The following TRAT1 variants were observed in gnomAD, a reference collection of about 807,000 sequenced individuals.
TRAT1 encodes the protein T-cell receptor-associated transmembrane adapter 1.
Under a neutral mutation model 20.0 loss-of-function variants are expected in TRAT1, and 20 were observed. The observed-to-expected ratio is 1.00, with a 90% CI of 0.70 to 1.45. TRAT1 has a LOEUF of 1.45. TRAT1 is among the 40% of genes most tolerant of loss of function. The pLI is 0.00. For synonymous variants in TRAT1, 77 were observed against 74.2 expected, an observed-to-expected ratio of 1.04 and a Z score of -0.20; for missense variants, 237 against 224.1, an observed-to-expected ratio of 1.06 and a Z score of -0.37.
intron 5 of TRAT1, 49 bp from the exon 6 acceptor site, chr3:108,853,571 A>C (rs1317191059): frequency 1.3e-6 from 2 of 1,560,938 alleles, no homozygotes; most frequent in Admixed American, 1.9e-5. Flanking sequence ...TCCAGAAGTC[A>C]AGCTAAAGAA....
At chr3:108,830,415 C>T (rs560447471) in intron 1 of TRAT1, among the ~76,000 whole-genome samples, 2 of 152,276 alleles carry the variant, frequency 1.3e-5, no homozygotes, top group South Asian at 2.1e-4. Context: ...TTAATAGCTA[C>T]ACAAAAAAGT....
intron 5 of TRAT1, among the ~76,000 whole-genome samples, chr3:108,852,742 A>G (rs1423452262): frequency 1.3e-5 from 2 of 152,238 alleles, no homozygotes; most frequent in East Asian, 3.8e-4. Flanking sequence ...TCTATGTACT[A>G]ACCATAACAA....
intron 5 of TRAT1, 93 bp downstream of exon 5, chr3:108,849,347 T>C: frequency 9.3e-7 from 1 of 1,077,638 alleles, no homozygotes; most frequent in Non-Finnish European, 1.4e-6. Context: ...GTTAGAAATT[T>C]TGCAATCAAT....
chr3:108,849,304 G>A (rs760866370), intron 5 of TRAT1, 50 bp downstream of exon 5: 6 of 1,477,446 alleles, frequency 4.1e-6, no homozygotes, highest in African/African-American at 1.4e-5. Flanking sequence ...GAGCATAAGA[G>A]TAGTACATTA....
At chr3:108,840,110 T>TA (rs200470783) in intron 3 of TRAT1, among the ~76,000 whole-genome samples, 4,901 of 152,136 alleles carry the variant, frequency 0.032, 252 homozygotes, top group African/African-American at 0.11. Context: ...GTCTTTTTTT[T>TA]AAAAAAATTC....
chr3:108,843,854 C>T (rs865933368), intron 3 of TRAT1, among the ~76,000 whole-genome samples: 2 of 152,176 alleles, frequency 1.3e-5, no homozygotes, highest in African/African-American at 2.4e-5. Context: ...GGCTCTGAGC[C>T]ACCTCCCTCT....
chr3:108,827,231 G>T (rs1945748443), intron 1 of TRAT1, among the ~76,000 whole-genome samples: 1 of 152,036 alleles, frequency 6.6e-6, no homozygotes, highest in Non-Finnish European at 1.5e-5. Context: ...GATACTAAAG[G>T]TTACACTTGT....
At position 108,830,775 on chromosome 3, in the gene TRAT1, G is replaced by T. The variant is rs61756221; in HGVS notation, c.113G>T (p.Arg38Leu). The change falls in exon 2 of 6, where the codon CGA (arginine) becomes CTA (leucine). Residue 38 changes from arginine to leucine, a missense_variant. Transcript: ENST00000295756. ...ATTTCCCACTATGTGGAAAAGCAAC[G>T]ACAAGGTAAGACATTTTGACAAATT... ...FNISHYVEKQ[R>L]QDKMYSYSSD... 1 of 1,601,398 alleles carries T rather than the reference G, an allele frequency of 6.2e-7. No individual in the cohort carries two copies. The highest frequency in any genetic ancestry group is 8.6e-7 in the Non-Finnish European group (1 of 1,168,570).
intron 1 of TRAT1, among the ~76,000 whole-genome samples, chr3:108,829,158 C>T (rs771959413): frequency 1.4e-4 from 21 of 152,150 alleles, no homozygotes; most frequent in Admixed American, 1.4e-3. Flanking sequence ...TTAATTTTAA[C>T]CAATGCGACT....
At chr3:108,853,406 G>T (rs1255835353) in intron 5 of TRAT1, among the ~76,000 whole-genome samples, 1 of 152,130 alleles carries the variant, frequency 6.6e-6, no homozygotes, top group Non-Finnish European at 1.5e-5. Flanking sequence ...CTAGGAAAAA[G>T]TTTCATCTAA....
At position 108,853,714 on chromosome 3, in the gene TRAT1, AC is replaced by A; in HGVS notation, c.399del (p.Asp133GlufsTer11). ...KPRKQNTHFS[D>X]KDGDEQLHAI... ...AGGAAACAGAATACTCATTTCTCAG[AC>A]AAGGATGGAGATGAGCAACTACATG... is the stretch of plus-strand genomic sequence containing the variant. On this transcript the variant is annotated frameshift_variant, in exon 6 of 6. Transcript: ENST00000295756. LOFTEE classifies it low-confidence loss of function (END_TRUNC). The A allele has an allele frequency of 6.2e-7, 1 of 1,614,200 alleles. No individual in the cohort carries two copies. The highest frequency in any genetic ancestry group is 1.3e-5 in the African/African-American group (1 of 75,070).
intron 1 of TRAT1, among the ~76,000 whole-genome samples, chr3:108,829,172 T>C (rs1308546608): frequency 6.6e-6 from 1 of 152,202 alleles, no homozygotes; most frequent in Non-Finnish European, 1.5e-5. Flanking sequence ...TGCGACTCCC[T>C]GGTCAACTCT....
intron 1 of TRAT1, among the ~76,000 whole-genome samples, chr3:108,828,224 A>G (rs980532928): frequency 6.6e-6 from 1 of 152,176 alleles, no homozygotes; most frequent in Non-Finnish European, 1.5e-5. Flanking sequence ...TGCTGTGGCA[A>G]GTGGAAAGAA....
intron 5 of TRAT1, among the ~76,000 whole-genome samples, chr3:108,849,658 G>A (rs1409444062): frequency 2.0e-5 from 3 of 152,134 alleles, no homozygotes; most frequent in Non-Finnish European, 4.4e-5. Context: ...AGATAAATTA[G>A]CTAGATACAA....
chr3:108,845,203 T>C (rs985428247), intron 3 of TRAT1, among the ~76,000 whole-genome samples: 1 of 152,250 alleles, frequency 6.6e-6, no homozygotes, highest in African/African-American at 2.4e-5. Context: ...ATTTGTTTGT[T>C]AGGCAATTGC....
chr3:108,824,028 C>A (rs190043022), intron 1 of TRAT1, among the ~76,000 whole-genome samples: 2 of 152,194 alleles, frequency 1.3e-5, no homozygotes, highest in Admixed American at 1.3e-4. Context: ...CGTGCCACCA[C>A]GCCTGGCTAA....
Position 108,822,858 on chromosome 3 carries a change from T to G in TRAT1, c.-70T>G, listed in dbSNP as rs1945704912. Reference sequence around the variant, plus strand: ...AGAGCAACATCACCTAGGAAAAAAGTTTGTAGGAGGATTTTTAATCCATAT... The same window carrying G: ...AGAGCAACATCACCTAGGAAAAAAGGTTGTAGGAGGATTTTTAATCCATAT... On this transcript the variant is annotated 5_prime_UTR_variant, in exon 1 of 6. Transcript: ENST00000295756. 52 of 1,449,084 alleles carry G rather than the reference T, an allele frequency of 3.6e-5. No homozygotes were observed. The East Asian group carries it at 1.2e-3, about 33-fold the overall frequency. 89.8% of individuals were successfully genotyped at this position (1,449,084 alleles called of 1,614,324 possible).
At chr3:108,826,800 T>A (rs545750252) in intron 1 of TRAT1, among the ~76,000 whole-genome samples, 1 of 152,312 alleles carries the variant, frequency 6.6e-6, no homozygotes, top group African/African-American at 2.4e-5. Context: ...CTTGTCTCAG[T>A]TAAAGATAGC....
intron 4 of TRAT1, among the ~76,000 whole-genome samples, chr3:108,848,914 T>C (rs988598511): frequency 4.6e-5 from 7 of 152,150 alleles, no homozygotes; most frequent in Non-Finnish European, 8.8e-5. Flanking sequence ...ACAAGAAAAT[T>C]CATATGATCT....
Sources: allele counts gnomAD v4.1 joint callset (sites outside exome capture counted in the v4.1 genomes callset), GRCh38; gene constraint gnomAD v4.1.1; transcripts MANE v1.5; gene names NCBI Gene and HGNC (gene_info 2026-07-23, HGNC 2026-07-21).